CEP131: variants seen among roughly 807,000 people sequenced by gnomAD.
The protein encoded by CEP131 is centrosomal protein of 131 kDa.
A neutral mutation model predicts 136.8 loss-of-function variants in CEP131; 99 were observed. That is an observed-to-expected ratio of 0.72 (90% CI 0.62 to 0.86). CEP131 has a LOEUF of 0.86. Ranked by LOEUF, CEP131 falls within the 40% of genes least tolerant of loss-of-function variation. The pLI, the probability that CEP131 is intolerant of heterozygous loss-of-function variation, is 0.00. For synonymous variants in CEP131, 646 were observed against 612.7 expected (o/e 1.05, Z -0.80); for missense variants, 1,459 against 1,463.0 (o/e 1.00, Z 0.04).
chr17:81,192,552 T>C lies in CEP131; in HGVS notation c.2471A>G (p.Glu824Gly). Residue 824 changes from glutamate to glycine, a missense_variant, in exon 20 of 26, where the codon GAG becomes GGG. By Grantham distance (98) the Glu-to-Gly change is moderately conservative. This residue lies in a region of CEP131 where 1,026 missense variants were observed against 964.2 expected (regional missense o/e 1.06). Coordinates refer to ENST00000450824, the MANE Select transcript of CEP131 (RefSeq NM_014984.4). ...GGCTCGGGTCAGTGCAGAGCTGCTCTCCTCCAGCTGCTGCCTCAGCTCTTC... is the reference window on the plus strand; with the variant it reads ...GGCTCGGGTCAGTGCAGAGCTGCTCCCCTCCAGCTGCTGCCTCAGCTCTTC... ...ELEELRQQLE[E>G]SSSALTRALR... The C allele has an allele frequency of 6.2e-7, 1 of 1,609,658 alleles. No homozygotes were observed. Among genetic ancestry groups the C allele is most frequent in the Non-Finnish European group, 8.5e-7 (1 of 1,179,516 alleles).
chr17:81,202,480 A>C (rs2061915015), intron 6 of CEP131, 82 bp from the exon 7 acceptor site: 1 of 1,513,780 alleles, frequency 6.6e-7, no homozygotes, highest in South Asian at 1.2e-5. Context: ...CCACTCCCGG[A>C]AGTCCCAGGA....
intron 17 of CEP131, among the ~76,000 whole-genome samples, chr17:81,194,423 G>A (rs376604875): frequency 1.3e-5 from 2 of 152,284 alleles, no homozygotes. Context: ...ACCAGGCCTC[G>A]GGGAGCCCTG....
At chr17:81,189,868 C>T in intron 25 of CEP131, 25 bp from the exon 26 acceptor site, 1 of 1,612,462 alleles carries the variant, frequency 6.2e-7, no homozygotes, top group Non-Finnish European at 8.5e-7. Context: ...CAGGGTCAGG[C>T]CTGCTCCCAG....
At chr17:81,197,359 G>A (rs1244967399) in intron 13 of CEP131, 2 of 514,630 alleles carry the variant, frequency 3.9e-6, no homozygotes, top group Non-Finnish European at 6.8e-6. Context: ...CTGGCCGCTA[G>A]TGTTCACCCA....
Position 81,219,418 on chromosome 17 carries a change from C to T in CEP131, c.177+462G>A, listed in dbSNP as rs769095612. 6.6e-6 allele frequency among the ~76,000 whole-genome samples: 1 copy of T among 151,916 alleles called. No individual in the cohort carries two copies. Among genetic ancestry groups the T allele is most frequent in the African/African-American group, 2.4e-5 (1 of 41,334 alleles). On this transcript the variant is annotated intron_variant, in intron 2 of 25. Transcript: ENST00000450824. The surrounding 1 kb of genome is among the most constrained non-coding windows in gnomAD (Gnocchi z 4.0). ...GAGCAAATCTCCTGCCTCAGCCTCC[C>T]GAGTAGCTAGGATTACAGGCATGCA... is the stretch of plus-strand genomic sequence containing the variant.
In CEP131 at chr17:81,194,069, G is replaced by A. The variant is rs201865497; in HGVS notation, c.2178C>T (p.Leu726=). The change falls in exon 18 of 26, where the codon CTC becomes CTT. Residue 726 remains leucine, a synonymous_variant. Coordinates refer to ENST00000450824, the MANE Select transcript of CEP131 (RefSeq NM_014984.4). The stretch of plus-strand genomic sequence containing the variant: ...GCAGCTCCGCCTCGTGCAGGCTCTT[G>A]AGCCTCCGCACTTCCTGCTTGTGCC... ...IARHKQEVRR[L]KSLHEAELLQ... 8 of 1,583,160 alleles carry A rather than the reference G, an allele frequency of 5.1e-6. No individual in the cohort carries two copies. The highest frequency in any genetic ancestry group is 6.9e-6 in the Non-Finnish European group (8 of 1,165,382).
chr17:81,192,900 C>G, intron 18 of CEP131, 57 bp from the exon 19 acceptor site: 1 of 1,558,072 alleles, frequency 6.4e-7, no homozygotes, highest in Non-Finnish European at 8.6e-7. Flanking sequence ...CCAGGACCCA[C>G]CCACCGCAGG....
At chr17:81,220,690 G>A (rs977039351) in intron 1 of CEP131, among the ~76,000 whole-genome samples, 2 of 151,918 alleles carry the variant, frequency 1.3e-5, no homozygotes, top group African/African-American at 2.4e-5. Context: ...AAGTAGAAAC[G>A]GGGTTTTGCC....
At position 81,216,565 on chromosome 17, in the gene CEP131, C is replaced by T. The variant is rs375990843; in HGVS notation, c.177+3315G>A. 3.9e-5 allele frequency among the ~76,000 whole-genome samples: 6 copies of T among 152,242 alleles called. No individual in the cohort carries two copies. The East Asian group carries it at 9.7e-4, about 24-fold the overall frequency. On this transcript the variant is annotated intron_variant, in intron 2 of 25. Transcript: ENST00000450824. ...AAGAAAAGAGAATGCAGGAGCCCCA[C>T]GCAGCTGACGGATACGGCACTTGTT...
At chr17:81,190,563 G>A in intron 24 of CEP131, 76 bp downstream of exon 24, 1 of 1,430,250 alleles carries the variant, frequency 7.0e-7, no homozygotes, top group Non-Finnish European at 9.1e-7. Context: ...CAGCCTCCTG[G>A]GGCTTGGAGC....
chr17:81,219,734 C>T lies in CEP131; in HGVS notation c.177+146G>A, dbSNP rs1477705147. On this transcript the variant is annotated intron_variant, in intron 2 of 25. Coordinates refer to ENST00000450824, the MANE Select transcript of CEP131 (RefSeq NM_014984.4). This position sits in a 1 kb window ranked among gnomAD's most constrained non-coding sequence, Gnocchi z 4.0. Reference sequence around the variant, plus strand: ...CACGCCTGTAAGACTCAAGTCCTACCTGCCTCCTGGAACAGCCACGAGGAT... The same window carrying T: ...CACGCCTGTAAGACTCAAGTCCTACTTGCCTCCTGGAACAGCCACGAGGAT... 1 of 835,472 alleles carries T rather than the reference C, an allele frequency of 1.2e-6. No individual in the cohort carries two copies. The highest frequency in any genetic ancestry group is 1.7e-6 in the Non-Finnish European group (1 of 574,380). 51.8% of individuals were successfully genotyped at this position (835,472 alleles called of 1,614,324 possible). A position where few individuals can be genotyped will look rare whatever the true frequency, so the allele number is the denominator to read the frequency against.
chr17:81,201,359 G>T (rs1490039174), intron 7 of CEP131, among the ~76,000 whole-genome samples: 1 of 152,150 alleles, frequency 6.6e-6, no homozygotes, highest in East Asian at 1.9e-4. Context: ...AGGTACCCCC[G>T]CGACTGTCCT....
At chr17:81,190,865 G>A (rs1450736409) in intron 23 of CEP131, 42 bp downstream of exon 23, 4 of 1,593,362 alleles carry the variant, frequency 2.5e-6, no homozygotes, top group Non-Finnish European at 3.4e-6. Flanking sequence ...TGCAGGAGGG[G>A]CCTGTGGGTG....
intron 2 of CEP131, among the ~76,000 whole-genome samples, chr17:81,209,453 C>T (rs1448970587): frequency 6.6e-6 from 1 of 152,232 alleles, no homozygotes; most frequent in African/African-American, 2.4e-5. Flanking sequence ...ACTAAGGAGA[C>T]GCAACCAAGA....
Position 81,204,982 on chromosome 17 carries a change from C to T in CEP131, c.516-1375G>A, listed in dbSNP as rs999254642. ...TGTTTTCAATAAAACACTAAATGGC[C>T]GGGCGCAGTGGCTCACACCTATAAT... On this transcript the variant is annotated intron_variant, in intron 5 of 25. Coordinates refer to ENST00000450824, the MANE Select transcript of CEP131 (RefSeq NM_014984.4). 6.6e-5 allele frequency among the ~76,000 whole-genome samples: 10 copies of T among 152,140 alleles called. No homozygotes were observed. In the East Asian group the frequency reaches 1.2e-3, roughly 18 times the overall value.
chr17:81,202,523 G>T, intron 6 of CEP131, 125 bp from the exon 7 acceptor site: 1 of 1,196,880 alleles, frequency 8.4e-7, no homozygotes. Context: ...CAGGCTGGCA[G>T]CCGGGGCAGA....
rs1225345551 is a variant in CEP131 at position 81,208,349 on chromosome 17, G to C, written c.272+579C>G. Among the ~76,000 whole-genome samples the C allele has an allele frequency of 6.6e-6, 1 of 152,178 alleles. No homozygotes were observed. The highest frequency in any genetic ancestry group is 1.5e-5 in the Non-Finnish European group (1 of 68,034). ...CACAGGAGCACCCTGCTCGCTCGGGGACAATGCCTGGTGGGAGGTGGTGTC... is the reference window on the plus strand; with the variant it reads ...CACAGGAGCACCCTGCTCGCTCGGGCACAATGCCTGGTGGGAGGTGGTGTC... On this transcript the variant is annotated intron_variant, in intron 3 of 25. Coordinates refer to ENST00000450824, the MANE Select transcript of CEP131 (RefSeq NM_014984.4). This position sits in a 1 kb window ranked among gnomAD's most constrained non-coding sequence, Gnocchi z 5.6.
At position 81,207,258 on chromosome 17, in the gene CEP131, G is replaced by C; in HGVS notation, c.273-19C>G. 6.2e-7 allele frequency: 1 copy of C among 1,608,838 alleles called. No individual in the cohort carries two copies. The highest frequency in any genetic ancestry group is 1.3e-5 in the African/African-American group (1 of 74,912). On this transcript the variant is annotated intron_variant, in intron 3 of 25. Coordinates refer to ENST00000450824, the MANE Select transcript of CEP131 (RefSeq NM_014984.4). ...CGTTGGCCTGCATCCGAGAGAGGGC[G>C]GCACACAAGGAAAGAGTCACCAGCC...
intron 2 of CEP131, among the ~76,000 whole-genome samples, chr17:81,217,668 C>G (rs753651281): frequency 6.6e-6 from 1 of 152,094 alleles, no homozygotes. Flanking sequence ...GGGGCCGTCT[C>G]GGATCGAGCG....
Sources: allele counts gnomAD v4.1 joint callset (sites outside exome capture counted in the v4.1 genomes callset), GRCh38; gene constraint gnomAD v4.1.1; regional missense constraint gnomAD v4.1.1; non-coding constraint Gnocchi (gnomAD v3.1); transcripts MANE v1.5; gene names NCBI Gene and HGNC (gene_info 2026-07-23, HGNC 2026-07-21).